ADGRV1: variants seen among roughly 807,000 people sequenced by gnomAD.
The protein encoded by ADGRV1 is adhesion G protein-coupled receptor V1.
A neutral mutation model predicts 596.2 loss-of-function variants in ADGRV1; 359 were observed. That is an observed-to-expected ratio of 0.60 (90% CI 0.55 to 0.66). ADGRV1 has a LOEUF of 0.66. Among genes scored for constraint, ADGRV1 ranks in the 30% least tolerant of loss-of-function variants. ADGRV1 has a pLI of 0.00. For synonymous variants in ADGRV1, 2,681 were observed against 2,679.2 expected, an observed-to-expected ratio of 1.00 and a Z score of -0.02; for missense variants, 7,274 against 7,575.6, an observed-to-expected ratio of 0.96 and a Z score of 1.48.
chr5:91,035,861 T>TATATAATATATATATATATATATATA lies in ADGRV1; in HGVS notation c.18153-36586_18153-36585insATATAATATATATATATATATATATA. On this transcript the variant is annotated intron_variant, in intron 85 of 89. Transcript: ENST00000405460. ...ATGAGTGTGTATATATATATATATA[T>TATATAATATATATATATATATATATA]TATATATATATATATATATATCTTA... 1.4e-3 allele frequency among the ~76,000 whole-genome samples: 134 copies of TATATAATATATATATATATATATATA among 96,344 alleles called. 2 individuals carry two copies. The highest frequency in any genetic ancestry group is 2.5e-3 in the Non-Finnish European group (115 of 46,032). The allele number at this position is 96,344 out of a possible 152,430, so 63.2% of individuals were successfully genotyped here. A position where few individuals can be genotyped will look rare whatever the true frequency, so the allele number is the denominator to read the frequency against.
At chr5:91,088,089 AAC>A (rs1790046576) in intron 86 of ADGRV1, among the ~76,000 whole-genome samples, 1 of 152,226 alleles carries the variant, frequency 6.6e-6, no homozygotes, top group Non-Finnish European at 1.5e-5. Context: ...AGGATTCATC[AAC>A]TTCAAGGAAG....
chr5:90,843,218 A>G (rs1765584010), intron 78 of ADGRV1, among the ~76,000 whole-genome samples: 1 of 152,198 alleles, frequency 6.6e-6, no homozygotes, highest in African/African-American at 2.4e-5. Context: ...ACTTTCCTGA[A>G]AAAGAAGAAA....
rs1437270133 is a variant in ADGRV1, at chr5:90,647,712, T to A, written c.3237T>A (p.Asp1079Glu). The change falls in exon 17 of 90, where the codon GAT becomes GAA. Residue 1079 changes from aspartate (D) to glutamate (E), a missense_variant. By Grantham distance (45) the Asp-to-Glu change is conservative. Around this residue, in one of 5 missense-constraint regions of ADGRV1, gnomAD observed 1,715 missense variants for 1,708.8 expected, o/e 1.00. Transcript: ENST00000405460. ...GCATATCCATATTTGTTAATGAAGA[T>A]GGTATCCCGGAAACAGATGAGCCCT... ...QQSISIFVNE[D>E]GIPETDEPFY... 1 of 1,613,804 alleles carries A rather than the reference T, an allele frequency of 6.2e-7. No individual in the cohort carries two copies. The highest frequency in any genetic ancestry group is 8.5e-7 in the Non-Finnish European group (1 of 1,179,716).
Position 90,854,086 on chromosome 5 carries a change from C to T in ADGRV1, c.17479C>T (p.Gln5827Ter), listed in dbSNP as rs1766792974. ...GGTATTATCTTTGAGTGTGAAAGGTCAGAGTTCACAACTCCTGACTAATGA... is the reference window on the plus strand; with the variant it reads ...GGTATTATCTTTGAGTGTGAAAGGTTAGAGTTCACAACTCCTGACTAATGA... ...NKVLSLSVKG[Q>*]SSQLLTNDNE... Residue 5827 changes from glutamine (Q) to a stop codon, truncating the protein, a stop_gained, in exon 81 of 90, where the codon CAG becomes TAG. Coordinates refer to ENST00000405460, the MANE Select transcript of ADGRV1 (RefSeq NM_032119.4). LOFTEE classifies it high-confidence loss of function. The T allele has an allele frequency of 6.3e-7, 1 of 1,584,590 alleles. No individual in the cohort carries two copies.
Position 91,004,981 on chromosome 5 carries a change from A to G in ADGRV1, c.18152+19459A>G, listed in dbSNP as rs535623011. Among the ~76,000 whole-genome samples, 4 of 152,276 alleles carry G rather than the reference A, an allele frequency of 2.6e-5. No homozygotes were observed. In the East Asian group the frequency reaches 7.7e-4, roughly 29 times the overall value. On this transcript the variant is annotated intron_variant, in intron 85 of 89. Coordinates refer to ENST00000405460, the MANE Select transcript of ADGRV1 (RefSeq NM_032119.4). The stretch of plus-strand genomic sequence containing the variant: ...GAATGAACTCTGAAGTTCTTCCCTC[A>G]ATGTTTTATAATTTTGTTCTCTTTT...
Position 90,799,264 on chromosome 5 carries a change from G to A in ADGRV1, c.14518-3475G>A, listed in dbSNP as rs952197563. Among the ~76,000 whole-genome samples the A allele has an allele frequency of 6.6e-5, 10 of 152,250 alleles. No individual in the cohort carries two copies. The East Asian group carries it at 1.2e-3, about 18-fold the overall frequency. On this transcript the variant is annotated intron_variant, in intron 70 of 89. Transcript: ENST00000405460. ...CAAAATCAATGTACAAAAATCACAA[G>A]TATTCTTATACACCAATAACAAACA... is the stretch of plus-strand genomic sequence containing the variant.
intron 1 of ADGRV1, among the ~76,000 whole-genome samples, chr5:90,586,537 T>G (rs1459483615): frequency 6.6e-6 from 1 of 152,202 alleles, no homozygotes; most frequent in African/African-American, 2.4e-5. Context: ...TGAATTTGTT[T>G]GTTCTCTTTT....
intron 30 of ADGRV1, 115 bp downstream of exon 30, chr5:90,690,191 G>C: frequency 1.5e-6 from 1 of 645,806 alleles, no homozygotes; most frequent in African/African-American, 1.8e-5. Context: ...TTCTTAACCT[G>C]CTGTTACTGA....
intron 83 of ADGRV1, among the ~76,000 whole-genome samples, chr5:90,868,585 T>G (rs1768356294): frequency 6.6e-6 from 1 of 151,660 alleles, no homozygotes. Context: ...CCCAAGTTCA[T>G]TCTTTTCTAC....
chr5:91,025,966 G>A lies in ADGRV1; in HGVS notation c.18152+40444G>A, dbSNP rs957856525. On this transcript the variant is annotated intron_variant, in intron 85 of 89. Coordinates refer to ENST00000405460, the MANE Select transcript of ADGRV1 (RefSeq NM_032119.4). ...CTGAGATAATAACCAAGAAAATGCC[G>A]TCTAATAATGACGGTAATACTTAAG... 3.3e-5 allele frequency among the ~76,000 whole-genome samples: 5 copies of A among 152,132 alleles called. No individual in the cohort carries two copies. In the South Asian group the frequency reaches 6.2e-4, roughly 19 times the overall value.
chr5:90,791,544 A>G (rs532578461), intron 70 of ADGRV1, 198 bp downstream of exon 70: 59 of 552,630 alleles, frequency 1.1e-4, no homozygotes, highest in African/African-American at 9.6e-4. Context: ...GGATGGAGAT[A>G]ATAGATTTTT....
At chr5:91,004,256 T>C (rs1782084858) in intron 85 of ADGRV1, among the ~76,000 whole-genome samples, 1 of 152,140 alleles carries the variant, frequency 6.6e-6, no homozygotes, top group Non-Finnish European at 1.5e-5. Flanking sequence ...TATTCAAATA[T>C]GAGAGAACCT....
chr5:90,690,219 C>A, intron 30 of ADGRV1, 143 bp downstream of exon 30: 1 of 600,628 alleles, frequency 1.7e-6, no homozygotes, highest in Non-Finnish European at 2.9e-6. Flanking sequence ...GACATCTGTA[C>A]ACAGTTATTG....
At chr5:90,631,256 C>G (rs894284623) in intron 9 of ADGRV1, among the ~76,000 whole-genome samples, 11 of 152,048 alleles carry the variant, frequency 7.2e-5, no homozygotes, top group Non-Finnish European at 1.5e-4. Flanking sequence ...ACAACTGTTC[C>G]TTGGTGTTCT....
intron 76 of ADGRV1, among the ~76,000 whole-genome samples, chr5:90,824,909 T>G (rs1763941704): frequency 6.6e-6 from 1 of 152,110 alleles, no homozygotes; most frequent in Admixed American, 6.6e-5. Context: ...ATTTTTATGC[T>G]TCCATCAACC....
At chr5:90,818,455 A>T (rs1416559931) in intron 75 of ADGRV1, among the ~76,000 whole-genome samples, 1 of 150,404 alleles carries the variant, frequency 6.6e-6, no homozygotes, top group Non-Finnish European at 1.5e-5. Context: ...CATTATGTTG[A>T]ATAGGAGTGG....
At chr5:90,923,772 C>A (rs1198618400) in intron 83 of ADGRV1, among the ~76,000 whole-genome samples, 3 of 151,726 alleles carry the variant, frequency 2.0e-5, no homozygotes, top group African/African-American at 7.3e-5. Context: ...CAGTGCTATC[C>A]CTCCCCCTGC....
chr5:91,014,582 G>A (rs1783024653), intron 85 of ADGRV1, among the ~76,000 whole-genome samples: 1 of 151,310 alleles, frequency 6.6e-6, no homozygotes, highest in African/African-American at 2.4e-5. Context: ...CTTGTTATTG[G>A]TCTGTTCAGG....
intron 42 of ADGRV1, among the ~76,000 whole-genome samples, chr5:90,714,381 C>A (rs1334970348): frequency 6.6e-6 from 1 of 151,760 alleles, no homozygotes; most frequent in African/African-American, 2.4e-5. Context: ...GAATTCAACA[C>A]TTTGCCTCTT....
Sources: gnomAD v4.1 joint callset for allele counts (sites outside exome capture counted in the v4.1 genomes callset) on GRCh38, gnomAD v4.1.1 for gene constraint, gnomAD v4.1.1 regional missense constraint, MANE v1.5 for transcripts, NCBI Gene and HGNC (gene_info 2026-07-23, HGNC 2026-07-21) for gene names.